The following DSC2 variants were observed in gnomAD, a reference collection of about 807,000 sequenced individuals.
DSC2 encodes desmocollin-2.
A neutral mutation model predicts 87.6 loss-of-function variants in DSC2; 51 were observed. The observed-to-expected ratio is 0.58, with a 90% confidence interval of 0.46 to 0.74. The LOEUF is 0.74. DSC2 is among the 30% of genes least tolerant of loss of function. The probability of loss-of-function intolerance (pLI) is 0.00; values close to 1 mark genes in which losing one functional copy is unlikely to be tolerated. For synonymous variants in DSC2, 383 were observed against 393.2 expected (o/e 0.97, Z 0.31); for missense variants, 1,066 against 1,089.5 (o/e 0.98, Z 0.30).
chr18:31,060,409 G>C lies in DSC2; in HGVS notation c.*7606C>G, dbSNP rs1986478806. On this transcript the variant is annotated 3_prime_UTR_variant, in exon 16 of 16. Transcript: ENST00000280904. ...AGTTTTCCAATTGGCCCTGTTCCCA[G>C]GGGAACACTCCTTAAGCTGAAAAGT... The C allele has an allele frequency of 6.6e-6, 1 of 152,012 alleles. No homozygotes were observed. The allele number at this position is 152,012 out of a possible 1,614,324, so 9.4% of individuals were successfully genotyped here.
chr18:31,100,854 G>C (rs1488149543), intron 1 of DSC2, among the ~76,000 whole-genome samples: 1 of 152,090 alleles, frequency 6.6e-6, no homozygotes, highest in East Asian at 1.9e-4. Context: ...CAGGGAGCCA[G>C]GAAAAGTCCA....
chr18:31,072,423 C>T (rs1986864816), intron 12 of DSC2, among the ~76,000 whole-genome samples: 1 of 152,146 alleles, frequency 6.6e-6, no homozygotes, highest in Admixed American at 6.6e-5. Flanking sequence ...GGACCAACTG[C>T]ACGTGTCTTA....
At chr18:31,068,233 A>T in intron 15 of DSC2, 21 bp from the exon 16 acceptor site, 1 of 1,613,476 alleles carries the variant, frequency 6.2e-7, no homozygotes, top group Non-Finnish European at 8.5e-7. Context: ...GAAAAACACA[A>T]CGTTTTTATT....
intron 1 of DSC2, among the ~76,000 whole-genome samples, chr18:31,099,351 G>C (rs1328877633): frequency 1.3e-5 from 2 of 152,134 alleles, no homozygotes; most frequent in Non-Finnish European, 2.9e-5. Context: ...GGTGACGGAG[G>C]TTAGGGGAAA....
rs1386005114 is a variant in DSC2, at chr18:31,102,066, G to C, written c.-95C>G. The C allele has an allele frequency of 5.3e-6, 6 of 1,127,396 alleles. No homozygotes were observed. In the South Asian group the frequency reaches 5.9e-5, roughly 11 times the overall value. The allele number at this position is 1,127,396 out of a possible 1,614,324, so 69.8% of individuals were successfully genotyped here. ...CGCGGCCGGAGCGCAGTCTGGGCCC[G>C]CTGCTCAGGAGGAGCGCGAGGCGGA... On this transcript the variant is annotated 5_prime_UTR_variant, in exon 1 of 16. Transcript: ENST00000280904.
At chr18:31,074,637 A>G (rs761004975) in intron 12 of DSC2, 46 bp downstream of exon 12, 33 of 1,546,308 alleles carry the variant, frequency 2.1e-5, no homozygotes, top group Non-Finnish European at 2.8e-5. Context: ...AGTATCGCAG[A>G]CATCCTGATG....
intron 4 of DSC2, among the ~76,000 whole-genome samples, chr18:31,090,058 T>C (rs1392021943): frequency 6.6e-6 from 1 of 152,056 alleles, no homozygotes; most frequent in Non-Finnish European, 1.5e-5. Context: ...TTTGCCAACA[T>C]CTTCCTTATA....
chr18:31,075,284 A>C (rs1986978271), intron 11 of DSC2, among the ~76,000 whole-genome samples: 2 of 152,306 alleles, frequency 1.3e-5, no homozygotes, highest in Middle Eastern at 3.4e-3. Flanking sequence ...AGACAATGAC[A>C]GGGAAGGTAG....
rs191228320 is a variant in DSC2 at position 31,066,745 on chromosome 18, T to C, written c.*1270A>G. 4 of 152,308 alleles carry C rather than the reference T, an allele frequency of 2.6e-5. No individual in the cohort carries two copies. The highest frequency in any genetic ancestry group is 7.2e-5 in the African/African-American group (3 of 41,580). 9.4% of individuals were successfully genotyped at this position (152,308 alleles called of 1,614,324 possible). A position where few individuals can be genotyped will look rare whatever the true frequency, so the allele number is the denominator to read the frequency against. On this transcript the variant is annotated 3_prime_UTR_variant, in exon 16 of 16. Coordinates refer to ENST00000280904, the MANE Select transcript of DSC2 (RefSeq NM_024422.6). ...TAGTTTGGCTCATTTCTACATTTGTTAAAATTGTAATCTTAAAATATTAAA... is the reference window on the plus strand; with the variant it reads ...TAGTTTGGCTCATTTCTACATTTGTCAAAATTGTAATCTTAAAATATTAAA...
At position 31,094,491 on chromosome 18, in the gene DSC2, G is replaced by T. The variant is rs114791801; in HGVS notation, c.70-848C>A. Among the ~76,000 whole-genome samples the T allele has an allele frequency of 2.6e-3, 396 of 152,214 alleles. 3 individuals are homozygous for T. The highest frequency in any genetic ancestry group is 9.1e-3 in the African/African-American group (377 of 41,542). ...GAACCAAGTCCAATGCAACATATAC[G>T]TAAACACACTGAAATTTAATTTTGT... On this transcript the variant is annotated intron_variant, in intron 1 of 15. Coordinates refer to ENST00000280904, the MANE Select transcript of DSC2 (RefSeq NM_024422.6).
At position 31,101,749 on chromosome 18, in the gene DSC2, T is replaced by TCCCCCCC; in HGVS notation, c.69+153_69+154insGGGGGGG. On this transcript the variant is annotated intron_variant, in intron 1 of 15. Coordinates refer to ENST00000280904, the MANE Select transcript of DSC2 (RefSeq NM_024422.6). Reference sequence around the variant, plus strand: ...GTCGCGATCCTCTTCCTATCTGCCCTCCCCCACCCCCGCCAACTCCATTTT... The same window carrying TCCCCCCC: ...GTCGCGATCCTCTTCCTATCTGCCCTCCCCCCCCCCCCACCCCCGCCAACTCCATTTT... 2 of 660,410 alleles carry TCCCCCCC rather than the reference T, an allele frequency of 3.0e-6. 1 individual carries two copies. The highest frequency in any genetic ancestry group is 4.9e-6 in the Non-Finnish European group (2 of 407,086). The allele number at this position is 660,410 out of a possible 1,614,324, so 40.9% of individuals were successfully genotyped here.
rs544854439 is a variant in DSC2 at position 31,077,074 on chromosome 18, A to G, written c.1664-2167T>C. Among the ~76,000 whole-genome samples, 39 of 152,330 alleles carry G rather than the reference A, an allele frequency of 2.6e-4. No homozygotes were observed. In the South Asian group the frequency reaches 7.1e-3, roughly 28 times the overall value. On this transcript the variant is annotated intron_variant, in intron 11 of 15. Coordinates refer to ENST00000280904, the MANE Select transcript of DSC2 (RefSeq NM_024422.6). Reference sequence around the variant, plus strand: ...AATTCACATTCCACAATTGAAAAAAATATAGTAAAGGATGTACTTCAGCAA... The same window carrying G: ...AATTCACATTCCACAATTGAAAAAAGTATAGTAAAGGATGTACTTCAGCAA...
In DSC2 at chr18:31,067,897, C is replaced by A. The variant is rs1986677976; in HGVS notation, c.*118G>T. ...GTGCATTTGACCAAAGAGATTCCATCCAAATAATGAGAGAAAAACCCCCAC... is the reference window on the plus strand; with the variant it reads ...GTGCATTTGACCAAAGAGATTCCATACAAATAATGAGAGAAAAACCCCCAC... On this transcript the variant is annotated 3_prime_UTR_variant, in exon 16 of 16. Coordinates refer to ENST00000280904, the MANE Select transcript of DSC2 (RefSeq NM_024422.6). 1 of 910,364 alleles carries A rather than the reference C, an allele frequency of 1.1e-6. No individual in the cohort carries two copies. The highest frequency in any genetic ancestry group is 1.7e-5 in the African/African-American group (1 of 59,998). The allele number at this position is 910,364 out of a possible 1,614,324, so 56.4% of individuals were successfully genotyped here.
At chr18:31,101,840 G>A (rs1298019777) in intron 1 of DSC2, 63 bp downstream of exon 1, 117 of 1,435,960 alleles carry the variant, frequency 8.1e-5, no homozygotes, top group Non-Finnish European at 1.1e-4. Flanking sequence ...CGTTCCCCTA[G>A]TTTTCCTCTG....
chr18:31,096,746 C>T (rs989224827), intron 1 of DSC2, among the ~76,000 whole-genome samples: 1 of 151,988 alleles, frequency 6.6e-6, no homozygotes, highest in Non-Finnish European at 1.5e-5. Flanking sequence ...AATGGGAAAA[C>T]ACTAGAAGCA....
At chr18:31,099,431 T>C (rs987967314) in intron 1 of DSC2, among the ~76,000 whole-genome samples, 1 of 152,220 alleles carries the variant, frequency 6.6e-6, no homozygotes, top group African/African-American at 2.4e-5. Context: ...ATCTGCTATA[T>C]GACATTGTGC....
chr18:31,071,518 C>A, intron 13 of DSC2, 87 bp downstream of exon 13: 1 of 1,219,532 alleles, frequency 8.2e-7, no homozygotes. Context: ...TGCACTCCAG[C>A]CTGGGCTCTG....
At chr18:31,068,364 A>G (rs1426595355) in intron 15 of DSC2, 152 bp from the exon 16 acceptor site, 2 of 1,610,248 alleles carry the variant, frequency 1.2e-6, no homozygotes, top group Non-Finnish European at 1.7e-6. Context: ...AAAAATGCAC[A>G]TGATTGGTCT....
At chr18:31,071,515 C>A in intron 13 of DSC2, 90 bp downstream of exon 13, 1 of 1,188,084 alleles carries the variant, frequency 8.4e-7, no homozygotes, top group Non-Finnish European at 1.3e-6. Context: ...TACTGCACTC[C>A]AGCCTGGGCT....
Sources: gnomAD v4.1 joint callset for allele counts (sites outside exome capture counted in the v4.1 genomes callset) on GRCh38, gnomAD v4.1.1 for gene constraint, MANE v1.5 for transcripts, NCBI Gene and HGNC (gene_info 2026-07-23, HGNC 2026-07-21) for gene names.